Variants in ARPP21 observed in about 807,000 individuals in gnomAD.
ARPP21 encodes the protein cAMP-regulated phosphoprotein 21.
In ARPP21, 69 loss-of-function variants were observed where a neutral mutation model predicts 113.2. The observed-to-expected ratio is 0.61, with a 90% CI of 0.50 to 0.74. ARPP21 has a LOEUF of 0.74. Among genes scored for constraint, ARPP21 ranks in the 30% least tolerant of loss-of-function variants. ARPP21 has a pLI of 0.00. For synonymous variants in ARPP21, 368 were observed against 375.5 expected, an observed-to-expected ratio of 0.98 and a Z score of 0.23; for missense variants, 1,070 against 1,037.4, an observed-to-expected ratio of 1.03 and a Z score of -0.43.
chr3:35,653,795 A>G (rs527708100), intron 1 of ARPP21, among the ~76,000 whole-genome samples: 10 of 152,184 alleles, frequency 6.6e-5, no homozygotes, highest in African/African-American at 2.4e-4. Flanking sequence ...TAAAACATTG[A>G]AACTTCTAAG....
chr3:35,764,636 T>C (rs1395774440), intron 19 of ARPP21, among the ~76,000 whole-genome samples: 1 of 152,164 alleles, frequency 6.6e-6, no homozygotes, highest in Non-Finnish European at 1.5e-5. Context: ...TTCTTAAGCA[T>C]AGTTTTCTTT....
chr3:35,725,487 T>A (rs528538240), intron 14 of ARPP21, among the ~76,000 whole-genome samples: 2 of 152,142 alleles, frequency 1.3e-5, no homozygotes, highest in Non-Finnish European at 2.9e-5. Flanking sequence ...CAAAAGGGTA[T>A]GTTGAGGTCT....
chr3:35,733,997 C>A (rs1169553104), intron 15 of ARPP21, among the ~76,000 whole-genome samples: 1 of 152,160 alleles, frequency 6.6e-6, no homozygotes, highest in African/African-American at 2.4e-5. Flanking sequence ...GTTTTTCATA[C>A]TTCCTTAGTT....
At chr3:35,737,865 G>A (rs1010190049) in intron 16 of ARPP21, among the ~76,000 whole-genome samples, 6 of 152,290 alleles carry the variant, frequency 3.9e-5, no homozygotes, top group South Asian at 2.1e-4. Context: ...ACACAGATGC[G>A]TCCATAGAAA....
chr3:35,641,598 G>T (rs9860606), intron 1 of ARPP21: 2 of 152,136 alleles, frequency 1.3e-5, no homozygotes, highest in Non-Finnish European at 2.9e-5. Context: ...TCAAATAGCC[G>T]AGTAATCTAC....
chr3:35,697,218 C>A (rs1472945471), intron 9 of ARPP21, among the ~76,000 whole-genome samples: 1 of 151,574 alleles, frequency 6.6e-6, no homozygotes, highest in African/African-American at 2.4e-5. Context: ...TGCCTCAAAT[C>A]CCCTGCTCTG....
intron 19 of ARPP21, among the ~76,000 whole-genome samples, chr3:35,745,486 G>T (rs777118600): frequency 6.6e-6 from 1 of 152,142 alleles, no homozygotes; most frequent in Non-Finnish European, 1.5e-5. Context: ...TGGTGCCATT[G>T]TGTGGCAATT....
chr3:35,761,128 G>A (rs913144952), intron 19 of ARPP21, among the ~76,000 whole-genome samples: 1 of 152,028 alleles, frequency 6.6e-6, no homozygotes, highest in Non-Finnish European at 1.5e-5. Context: ...TCTTCTCTAT[G>A]TTCAAAGGAA....
At chr3:35,673,493 A>T (rs1288327626) in intron 1 of ARPP21, among the ~76,000 whole-genome samples, 1 of 152,004 alleles carries the variant, frequency 6.6e-6, no homozygotes, top group Non-Finnish European at 1.5e-5. Flanking sequence ...TTTGGTAATA[A>T]TAAATCTGAA....
chr3:35,767,582 T>C, intron 19 of ARPP21, among the ~76,000 whole-genome samples: 1 of 152,302 alleles, frequency 6.6e-6, no homozygotes, highest in Middle Eastern at 3.4e-3. Context: ...TAGAAACTAA[T>C]TTATTTGTTT....
intron 12 of ARPP21, chr3:35,715,891 A>ATAGC: frequency 6.5e-6 from 1 of 154,278 alleles, no homozygotes; most frequent in African/African-American, 2.4e-5. Flanking sequence ...ATAACAATAT[A>ATAGC]TAGCTATACA....
intron 17 of ARPP21, among the ~76,000 whole-genome samples, chr3:35,738,633 G>A (rs1447460933): frequency 6.6e-6 from 1 of 152,162 alleles, no homozygotes; most frequent in Non-Finnish European, 1.5e-5. Context: ...TTGCATGAGG[G>A]TTCGGGAAAG....
At chr3:35,673,992 A>G (rs2076934731) in intron 1 of ARPP21, among the ~76,000 whole-genome samples, 1 of 151,984 alleles carries the variant, frequency 6.6e-6, no homozygotes, top group Admixed American at 6.6e-5. Flanking sequence ...CATTTTATGA[A>G]AAATTCTTGT....
chr3:35,663,187 G>T (rs560595568), intron 1 of ARPP21, among the ~76,000 whole-genome samples: 7 of 152,154 alleles, frequency 4.6e-5, no homozygotes, highest in African/African-American at 1.7e-4. Flanking sequence ...TAGAGCAGAC[G>T]TATCTAAATG....
At chr3:35,725,879 G>A (rs1372998690) in intron 14 of ARPP21, among the ~76,000 whole-genome samples, 1 of 152,102 alleles carries the variant, frequency 6.6e-6, no homozygotes, top group African/African-American at 2.4e-5. Flanking sequence ...GTATCTCCTA[G>A]AACTTGGCAC....
In ARPP21 at chr3:35,715,317, T is replaced by G. The variant is rs1360450747; in HGVS notation, c.898-122T>G. 6 of 753,624 alleles carry G rather than the reference T, an allele frequency of 8.0e-6. No homozygotes were observed. The African/African-American group carries it at 8.8e-5, about 11-fold the overall frequency. The allele number at this position is 753,624 out of a possible 1,614,324, so 46.7% of individuals were successfully genotyped here. ...TTTCCTTTTTTATTTCTATCTTTTGTACCTATTTTTCTTAATTCTTTTCCC... is the reference window on the plus strand; with the variant it reads ...TTTCCTTTTTTATTTCTATCTTTTGGACCTATTTTTCTTAATTCTTTTCCC... On this transcript the variant is annotated intron_variant, in intron 11 of 20. Transcript: ENST00000684406.
intron 19 of ARPP21, among the ~76,000 whole-genome samples, chr3:35,769,419 A>G (rs1308927147): frequency 6.6e-6 from 1 of 152,156 alleles, no homozygotes; most frequent in African/African-American, 2.4e-5. Flanking sequence ...TCTGCTCACA[A>G]GATTCCACAT....
chr3:35,704,455 A>G (rs1484299054), intron 9 of ARPP21, among the ~76,000 whole-genome samples: 1 of 151,928 alleles, frequency 6.6e-6, no homozygotes, highest in East Asian at 1.9e-4. Context: ...TAGAAGTTCC[A>G]AAACTAGGAA....
intron 18 of ARPP21, among the ~76,000 whole-genome samples, chr3:35,741,053 G>A (rs1325301154): frequency 6.6e-6 from 1 of 152,136 alleles, no homozygotes; most frequent in Non-Finnish European, 1.5e-5. Flanking sequence ...AGTGAGCCAT[G>A]ATGATATCTC....
Sources: allele counts gnomAD v4.1 joint callset (sites outside exome capture counted in the v4.1 genomes callset), GRCh38; gene constraint gnomAD v4.1.1; transcripts MANE v1.5; gene names NCBI Gene and HGNC (gene_info 2026-07-23, HGNC 2026-07-21).